Variants in GNS observed in about 807,000 individuals in gnomAD.
GNS encodes N-acetylglucosamine-6-sulfatase.
A neutral mutation model predicts 69.7 loss-of-function variants in GNS; 40 were observed. The ratio of observed to expected loss-of-function variants is 0.57; its 90% confidence interval spans 0.45 to 0.75. The LOEUF is 0.75. Among genes scored for constraint, GNS ranks in the 30% least tolerant of loss-of-function variants. GNS has a pLI of 0.00. For synonymous variants in GNS, 243 were observed against 251.6 expected (o/e 0.97, Z 0.32); for missense variants, 565 against 685.5 (o/e 0.82, Z 1.96).
chr12:64,732,052 T>A (rs1202979683), intron 9 of GNS, among the ~76,000 whole-genome samples: 1 of 151,988 alleles, frequency 6.6e-6, no homozygotes, highest in East Asian at 1.9e-4. Context: ...AATGGTGCGA[T>A]CTCGGCTCAC....
At chr12:64,718,319 T>G (rs1312808) in intron 13 of GNS, among the ~76,000 whole-genome samples, 106,023 of 151,862 alleles carry the variant, frequency 0.7, 38,592 homozygotes, top group African/African-American at 0.91. Flanking sequence ...AAGTAGTTCA[T>G]GCTAACATCA....
intron 1 of GNS, among the ~76,000 whole-genome samples, chr12:64,758,663 C>T (rs1313058758): frequency 2.0e-5 from 3 of 152,088 alleles, no homozygotes; most frequent in Non-Finnish European, 1.5e-5. Context: ...ACATTGTATA[C>T]AGGCACAAAC....
At chr12:64,729,577 T>TGCA (rs1869318832) in intron 9 of GNS, among the ~76,000 whole-genome samples, 1 of 152,236 alleles carries the variant, frequency 6.6e-6, no homozygotes, top group Non-Finnish European at 1.5e-5. Flanking sequence ...CTGTGAAGGC[T>TGCA]GCAGAAAATT....
At chr12:64,746,871 G>C (rs1383324559) in intron 3 of GNS, among the ~76,000 whole-genome samples, 1 of 152,114 alleles carries the variant, frequency 6.6e-6, no homozygotes, top group Non-Finnish European at 1.5e-5. Context: ...CAAGGTTGCA[G>C]ATTTCCCCAA....
intron 10 of GNS, among the ~76,000 whole-genome samples, chr12:64,727,958 T>C (rs1039523230): frequency 1.3e-5 from 2 of 152,216 alleles, no homozygotes; most frequent in Non-Finnish European, 2.9e-5. Flanking sequence ...GGAGTTTCAC[T>C]CGTTGCCCAG....
chr12:64,745,991 A>T (rs1238400957), intron 3 of GNS: 1 of 507,948 alleles, frequency 2.0e-6, no homozygotes, highest in East Asian at 3.3e-5. Flanking sequence ...TTAAAATATA[A>T]AAGTTAATCA....
At chr12:64,743,379 T>C in intron 5 of GNS, 71 bp from the exon 6 acceptor site, 1 of 1,107,730 alleles carries the variant, frequency 9.0e-7, no homozygotes, top group Non-Finnish European at 1.4e-6. Context: ...AAATGTCTTC[T>C]GGTGAGCAGA....
chr12:64,718,735 A>C (rs1013170003), intron 13 of GNS, among the ~76,000 whole-genome samples: 3 of 152,258 alleles, frequency 2.0e-5, no homozygotes, highest in African/African-American at 7.2e-5. Flanking sequence ...TGCTGGCTTT[A>C]AGTTCCCAGA....
In GNS at chr12:64,715,042, T is replaced by C. The variant is rs1308423234; in HGVS notation, c.*1699A>G. Reference sequence around the variant, plus strand: ...GATAGAAAAGCTACTTTCAGCCATGTCTTACAAAGTGCTTAAAGCTGGACA... The same window carrying C: ...GATAGAAAAGCTACTTTCAGCCATGCCTTACAAAGTGCTTAAAGCTGGACA... On this transcript the variant is annotated 3_prime_UTR_variant, in exon 14 of 14. Transcript: ENST00000258145. 6.5e-6 allele frequency: 1 copy of C among 152,684 alleles called. No individual in the cohort carries two copies. The highest frequency in any genetic ancestry group is 1.5e-5 in the Non-Finnish European group (1 of 68,050). 9.5% of individuals were successfully genotyped at this position (152,684 alleles called of 1,614,324 possible).
In GNS at chr12:64,744,815, A is replaced by G. The variant is rs750464267; in HGVS notation, c.618T>C (p.Asp206=). ...GENYSVDYLT[D]VLANVSLDFL... The stretch of plus-strand genomic sequence containing the variant: ...CAAAGCTTCTGCAACTCACCAAAAC[A>G]TCTGTCAGGTAGTCCACACTATAGT... The change falls in exon 5 of 14, where the codon GAT becomes GAC. Residue 206 remains aspartate (D), a synonymous_variant. Coordinates refer to ENST00000258145, the MANE Select transcript of GNS (RefSeq NM_002076.4). The G allele has an allele frequency of 6.7e-7, 1 of 1,482,758 alleles. No homozygotes were observed. The highest frequency in any genetic ancestry group is 1.7e-5 in the Admixed American group (1 of 59,864). The allele number at this position is 1,482,758 out of a possible 1,614,324, so 91.9% of individuals were successfully genotyped here. A position where few individuals can be genotyped will look rare whatever the true frequency, so the allele number is the denominator to read the frequency against.
chr12:64,749,018 C>T (rs907198727), intron 2 of GNS, among the ~76,000 whole-genome samples: 66 of 152,244 alleles, frequency 4.3e-4, no homozygotes, highest in African/African-American at 1.5e-3. Context: ...TGGCTCACTG[C>T]AAGCTCCGCC....
At chr12:64,741,881 CTTAT>C (rs1298745292) in intron 6 of GNS, among the ~76,000 whole-genome samples, 5 of 152,216 alleles carry the variant, frequency 3.3e-5, no homozygotes, top group Non-Finnish European at 7.3e-5. Context: ...AGCAGAGTGA[CTTAT>C]TTAACTCAAA....
At chr12:64,726,648 T>A (rs1350596724) in intron 10 of GNS, among the ~76,000 whole-genome samples, 1 of 152,102 alleles carries the variant, frequency 6.6e-6, no homozygotes, top group African/African-American at 2.4e-5. Context: ...ATGCACACCA[T>A]CATGCCTGGC....
At chr12:64,740,433 T>C (rs1027602024) in intron 7 of GNS, among the ~76,000 whole-genome samples, 173 bp downstream of exon 7, 1 of 152,132 alleles carries the variant, frequency 6.6e-6, no homozygotes, top group African/African-American at 2.4e-5. Flanking sequence ...CCTCATTCAT[T>C]TGAGTGTAAA....
chr12:64,749,025 C>T (rs1266652795), intron 2 of GNS, among the ~76,000 whole-genome samples: 12 of 152,056 alleles, frequency 7.9e-5, no homozygotes, highest in South Asian at 6.2e-4. Flanking sequence ...CTGCAAGCTC[C>T]GCCTCCCGGG....
At chr12:64,745,912 A>T (rs966077579) in intron 3 of GNS, 188 bp from the exon 4 acceptor site, 13 of 597,390 alleles carry the variant, frequency 2.2e-5, no homozygotes, top group Non-Finnish European at 3.6e-5. Flanking sequence ...GAGTTGGCAA[A>T]CTACAGCCAG....
intron 6 of GNS, among the ~76,000 whole-genome samples, chr12:64,741,977 TTTTAA>T (rs1869751425): frequency 6.6e-6 from 1 of 152,268 alleles, no homozygotes; most frequent in Non-Finnish European, 1.5e-5. Flanking sequence ...TTTTACTATT[TTTTAA>T]TTTATTTTAT....
intron 10 of GNS, among the ~76,000 whole-genome samples, chr12:64,728,564 C>A (rs1869284546): frequency 6.6e-6 from 1 of 152,200 alleles, no homozygotes; most frequent in Admixed American, 6.5e-5. Flanking sequence ...GTGATTAGCA[C>A]TGAAGTAATC....
At position 64,729,264 on chromosome 12, in the gene GNS, T is replaced by C. The variant is rs1869309908; in HGVS notation, c.1099-207A>G. ...ATAAAGGCTTATAAGGCTTGTATAA[T>C]AGTATATCCCCCTGGCAAGTTACAT... On this transcript the variant is annotated intron_variant, in intron 9 of 13. Transcript: ENST00000258145. The C allele has an allele frequency of 2.5e-5, 14 of 568,572 alleles. No individual in the cohort carries two copies. In the South Asian group the frequency reaches 3.1e-4, roughly 13 times the overall value. 35.2% of individuals were successfully genotyped at this position (568,572 alleles called of 1,614,324 possible).
Sources: allele counts gnomAD v4.1 joint callset (sites outside exome capture counted in the v4.1 genomes callset), GRCh38; gene constraint gnomAD v4.1.1; transcripts MANE v1.5; gene names NCBI Gene and HGNC (gene_info 2026-07-23, HGNC 2026-07-21).